The following CSMD1 variants were observed in gnomAD, a reference collection of about 807,000 sequenced individuals.
CSMD1 encodes the protein CUB and Sushi multiple domains 1.
A neutral mutation model predicts 417.5 loss-of-function variants in CSMD1; 213 were observed. The ratio of observed to expected loss-of-function variants is 0.51; its 90% CI spans 0.46 to 0.57. The LOEUF (loss-of-function observed/expected upper bound fraction) is 0.57, where lower values mean the gene tolerates loss of function less well. CSMD1 is among the 20% of genes least tolerant of loss of function. CSMD1 has a pLI of 0.00. For synonymous variants in CSMD1, 2,862 were observed against 1,736.8 expected, an observed-to-expected ratio of 1.65 and a Z score of -16.11; for missense variants, 6,923 against 4,529.7, an observed-to-expected ratio of 1.53 and a Z score of -15.17.
chr8:4,836,103 T>G (rs1415863136), intron 1 of CSMD1, among the ~76,000 whole-genome samples: 2 of 152,150 alleles, frequency 1.3e-5, no homozygotes, highest in Non-Finnish European at 2.9e-5. Flanking sequence ...AAAGATCAAC[T>G]GTCAGAGCTT....
At chr8:3,558,292 T>G (rs962036893) in intron 10 of CSMD1, among the ~76,000 whole-genome samples, 2 of 149,736 alleles carry the variant, frequency 1.3e-5, no homozygotes, top group Non-Finnish European at 3.0e-5. Flanking sequence ...GGTGCCTCAA[T>G]GGAACTCCGT....
intron 3 of CSMD1, among the ~76,000 whole-genome samples, chr8:4,374,977 T>TGGG (rs1802638317): frequency 2.5e-5 from 1 of 40,638 alleles, no homozygotes; most frequent in African/African-American, 8.9e-5. Flanking sequence ...GGGGGGGCGA[T>TGGG]AGTGGGGGTA....
At chr8:3,509,580 T>C (rs922753070) in intron 10 of CSMD1, among the ~76,000 whole-genome samples, 2 of 152,208 alleles carry the variant, frequency 1.3e-5, no homozygotes, top group African/African-American at 4.8e-5. Flanking sequence ...TATAACTGTT[T>C]CTATGTTAGA....
rs143597328 is a variant in CSMD1, at chr8:3,393,158, T to C, written c.2593+3036A>G. On this transcript the variant is annotated intron_variant, in intron 17 of 69. Transcript: ENST00000635120. ...CTATTTCTCCCTTAAGTCAGAGGAA[T>C]AGGTGACAAACCTTTGAGAGCCTTC... Among the ~76,000 whole-genome samples the C allele has an allele frequency of 3.8e-3, 585 of 152,260 alleles. 3 individuals carry two copies. Among genetic ancestry groups the C allele is most frequent in the Non-Finnish European group, 5.9e-3 (401 of 68,032 alleles).
chr8:4,275,537 T>C (rs759041866), intron 3 of CSMD1, among the ~76,000 whole-genome samples: 2 of 152,140 alleles, frequency 1.3e-5, no homozygotes, highest in Admixed American at 6.6e-5. Flanking sequence ...CTGTTACACA[T>C]TGGTGAACTT....
intron 1 of CSMD1, among the ~76,000 whole-genome samples, chr8:4,730,649 G>A (rs1026589541): frequency 3.3e-5 from 5 of 152,104 alleles, no homozygotes; most frequent in Non-Finnish European, 7.4e-5. Context: ...GCTGAGACAG[G>A]AGAATGGTGT....
intron 1 of CSMD1, among the ~76,000 whole-genome samples, chr8:4,975,663 C>A (rs910309499): frequency 6.6e-6 from 1 of 152,096 alleles, no homozygotes; most frequent in African/African-American, 2.4e-5. Context: ...AGTGAGGTAA[C>A]GGTAATTCAA....
At chr8:3,483,427 C>G (rs1004296429) in intron 11 of CSMD1, among the ~76,000 whole-genome samples, 5 of 151,954 alleles carry the variant, frequency 3.3e-5, no homozygotes, top group Non-Finnish European at 7.4e-5. Context: ...TACCAAAACT[C>G]AACCAAGATA....
chr8:3,177,239 A>T (rs1563113398), intron 37 of CSMD1, among the ~76,000 whole-genome samples: 1 of 152,180 alleles, frequency 6.6e-6, no homozygotes, highest in Admixed American at 6.5e-5. Context: ...CTCTGGATGC[A>T]GACGCATGGG....
intron 3 of CSMD1, among the ~76,000 whole-genome samples, chr8:4,337,035 G>A (rs1585258920): frequency 6.6e-6 from 1 of 152,040 alleles, no homozygotes; most frequent in Admixed American, 6.6e-5. Context: ...ATTATAAACT[G>A]AATTTTGCCC....
At chr8:3,950,289 A>C (rs1463224283) in intron 5 of CSMD1, among the ~76,000 whole-genome samples, 1 of 152,190 alleles carries the variant, frequency 6.6e-6, no homozygotes, top group East Asian at 1.9e-4. Context: ...TCAAAATAAA[A>C]GAACCTATTC....
At chr8:3,538,163 AATTAC>A (rs2117548731) in intron 10 of CSMD1, among the ~76,000 whole-genome samples, 2 of 152,278 alleles carry the variant, frequency 1.3e-5, no homozygotes, top group Non-Finnish European at 2.9e-5. Context: ...TTACTTGAAA[AATTAC>A]ATGACGGATC....
chr8:4,801,609 C>G (rs534087818), intron 1 of CSMD1, among the ~76,000 whole-genome samples: 2 of 152,044 alleles, frequency 1.3e-5, no homozygotes, highest in African/African-American at 4.8e-5. Context: ...ACCTCTATGC[C>G]GCTTTGACAC....
intron 21 of CSMD1, among the ~76,000 whole-genome samples, chr8:3,355,493 C>T (rs909475892): frequency 1.5e-4 from 23 of 152,128 alleles, no homozygotes; most frequent in Admixed American, 1.5e-3. Context: ...ACTGCCCTGG[C>T]CACAATGACT....
At chr8:3,967,341 T>A (rs186404056) in intron 5 of CSMD1, among the ~76,000 whole-genome samples, 33 of 152,256 alleles carry the variant, frequency 2.2e-4, no homozygotes, top group Non-Finnish European at 4.3e-4. Flanking sequence ...GCTTCTCCAT[T>A]CCGACCCTGA....
chr8:3,383,514 G>C (rs536206165), intron 18 of CSMD1, among the ~76,000 whole-genome samples: 14 of 151,334 alleles, frequency 9.3e-5, no homozygotes, highest in Non-Finnish European at 2.1e-4. Flanking sequence ...CTCATGCATG[G>C]AGGGAAGCCT....
intron 1 of CSMD1, among the ~76,000 whole-genome samples, chr8:4,718,214 T>G (rs115976474): frequency 0.048 from 7,273 of 152,256 alleles, 175 homozygotes; most frequent in East Asian, 0.081. Flanking sequence ...TGGGCTTAAG[T>G]GATTCTCCTG....
intron 27 of CSMD1, among the ~76,000 whole-genome samples, chr8:3,225,139 T>C (rs979853505): frequency 1.6e-4 from 24 of 152,296 alleles, no homozygotes; most frequent in South Asian, 1.0e-3. Flanking sequence ...TGAAGGAACA[T>C]GCTTCACAAT....
intron 3 of CSMD1, among the ~76,000 whole-genome samples, chr8:4,130,986 G>C (rs747319560): frequency 1.3e-5 from 2 of 152,084 alleles, no homozygotes; most frequent in Admixed American, 6.5e-5. Flanking sequence ...GGTCTTAAAA[G>C]TCTCTCCCTG....
Sources: allele counts gnomAD v4.1 joint callset (sites outside exome capture counted in the v4.1 genomes callset), GRCh38; gene constraint gnomAD v4.1.1; transcripts MANE v1.5; gene names NCBI Gene and HGNC (gene_info 2026-07-23, HGNC 2026-07-21).